Variants in ADGRL3 observed in about 807,000 individuals in gnomAD.
ADGRL3 encodes the protein adhesion G protein-coupled receptor L3, also known as calcium-independent alpha-latrotoxin receptor 3.
A neutral mutation model predicts 153.5 loss-of-function variants in ADGRL3; 62 were observed. The ratio of observed to expected loss-of-function variants is 0.40; its 90% CI spans 0.33 to 0.50. The LOEUF (loss-of-function observed/expected upper bound fraction) is 0.50. Ranked by LOEUF, ADGRL3 falls within the 20% of genes least tolerant of loss-of-function variation. The pLI, the probability that ADGRL3 is intolerant of heterozygous loss-of-function variation, is 0.47. For synonymous variants in ADGRL3, 710 were observed against 672.5 expected (o/e 1.06, Z -0.86); for missense variants, 1,641 against 1,859.4 (o/e 0.88, Z 2.16).
At chr4:61,627,493 T>C (rs1020487694) in intron 5 of ADGRL3, among the ~76,000 whole-genome samples, 9 of 151,882 alleles carry the variant, frequency 5.9e-5, no homozygotes, top group Admixed American at 2.0e-4. Flanking sequence ...TGGTGGCGGG[T>C]GCCTGTGATC....
chr4:61,551,492 A>G (rs2098740258), intron 4 of ADGRL3, among the ~76,000 whole-genome samples: 1 of 152,160 alleles, frequency 6.6e-6, no homozygotes, highest in African/African-American at 2.4e-5. Flanking sequence ...AAGAACTGTG[A>G]TAATTGAAGA....
At chr4:62,037,676 TG>T in intron 23 of ADGRL3, 54 bp from the exon 24 acceptor site, 1 of 1,596,116 alleles carries the variant, frequency 6.3e-7, no homozygotes. Flanking sequence ...TGTCTACTTT[TG>T]TTCCTACCTG....
chr4:61,453,843 A>C (rs935795739), intron 2 of ADGRL3, among the ~76,000 whole-genome samples: 1 of 152,104 alleles, frequency 6.6e-6, no homozygotes, highest in South Asian at 2.1e-4. Context: ...TAGCTTCTTT[A>C]ATTAATTTTA....
Position 61,792,266 on chromosome 4 carries a change from A to G in ADGRL3, c.1400-21543A>G, listed in dbSNP as rs183766745. Among the ~76,000 whole-genome samples the G allele has an allele frequency of 5.9e-5, 9 of 152,116 alleles. No individual in the cohort carries two copies. The East Asian group carries it at 1.8e-3, about 30-fold the overall frequency. On this transcript the variant is annotated intron_variant, in intron 8 of 26. Coordinates refer to ENST00000683033, the MANE Select transcript of ADGRL3 (RefSeq NM_001387552.1). ...CCCTAAATCATCTCTTTCAAGTTCA[A>G]CGTTTCACACATCTCTAGGGCAGGG...
At chr4:61,648,243 C>T in intron 5 of ADGRL3, among the ~76,000 whole-genome samples, 1 of 151,498 alleles carries the variant, frequency 6.6e-6, no homozygotes, top group Non-Finnish European at 1.5e-5. Flanking sequence ...GATCTTATAC[C>T]ACCTTAAAAA....
Position 61,804,967 on chromosome 4 carries a change from T to A in ADGRL3, c.1400-8842T>A, listed in dbSNP as rs972814231. Among the ~76,000 whole-genome samples, 141 of 150,874 alleles carry A rather than the reference T, an allele frequency of 9.3e-4. 1 individual carries two copies. The highest frequency in any genetic ancestry group is 2.5e-3 in the African/African-American group (101 of 41,184). Reference sequence around the variant, plus strand: ...TTTATTTATTTTTATTTATTTATTTTTTTTTTGAGACGGAGTCTCATTCTG... The same window carrying A: ...TTTATTTATTTTTATTTATTTATTTATTTTTTGAGACGGAGTCTCATTCTG... On this transcript the variant is annotated intron_variant, in intron 8 of 26. Transcript: ENST00000683033.
At chr4:61,555,937 G>A (rs1438273741) in intron 4 of ADGRL3, among the ~76,000 whole-genome samples, 3 of 152,014 alleles carry the variant, frequency 2.0e-5, no homozygotes, top group South Asian at 2.1e-4. Context: ...GGATTTAGCC[G>A]GCTTCTTTAC....
chr4:61,645,631 T>C (rs1419594714), intron 5 of ADGRL3, among the ~76,000 whole-genome samples: 3 of 152,250 alleles, frequency 2.0e-5, no homozygotes, highest in African/African-American at 7.2e-5. Context: ...TCTTCTGGCT[T>C]GTAGAGTTTC....
chr4:61,470,393 C>A (rs1042077318), intron 2 of ADGRL3, among the ~76,000 whole-genome samples: 1 of 151,794 alleles, frequency 6.6e-6, no homozygotes, highest in Admixed American at 6.6e-5. Context: ...ATTGGTTTTC[C>A]TACCAGTAAC....
rs149450542 is a variant in ADGRL3 at position 61,966,125 on chromosome 4, A to G, written c.2806-13438A>G. On this transcript the variant is annotated intron_variant, in intron 17 of 26. Transcript: ENST00000683033. Reference sequence around the variant, plus strand: ...TTCTGAAATTGCTATAGCTAAGAAAATCAAATGAAAATGAAATAAAAATGA... The same window carrying G: ...TTCTGAAATTGCTATAGCTAAGAAAGTCAAATGAAAATGAAATAAAAATGA... 3.3e-4 allele frequency among the ~76,000 whole-genome samples: 51 copies of G among 152,310 alleles called. No individual in the cohort carries two copies. In the East Asian group the frequency reaches 9.4e-3, roughly 28 times the overall value.
At chr4:61,332,483 C>T (rs1505679) in intron 1 of ADGRL3, among the ~76,000 whole-genome samples, 122,178 of 152,028 alleles carry the variant, frequency 0.8, 49,335 homozygotes, top group East Asian at 0.98. Context: ...AGGCTTATAA[C>T]GCCTGAGGAT....
chr4:61,414,940 T>C (rs1196642020), intron 2 of ADGRL3, among the ~76,000 whole-genome samples: 1 of 152,024 alleles, frequency 6.6e-6, no homozygotes, highest in Non-Finnish European at 1.5e-5. Context: ...TAATATTATC[T>C]ATTTACTCTG....
At chr4:61,802,884 T>C (rs1170946347) in intron 8 of ADGRL3, among the ~76,000 whole-genome samples, 1 of 152,096 alleles carries the variant, frequency 6.6e-6, no homozygotes, top group Non-Finnish European at 1.5e-5. Context: ...TTCCCCAAAA[T>C]ATGATTTTTA....
rs765997766 is a variant in ADGRL3 at position 61,847,717 on chromosome 4, T to C, written c.1480+33828T>C. 8.3e-3 allele frequency among the ~76,000 whole-genome samples: 264 copies of C among 31,812 alleles called. 3 individuals are homozygous for C. The highest frequency in any genetic ancestry group is 0.013 in the South Asian group (18 of 1,386). 20.9% of individuals were successfully genotyped at this position (31,812 alleles called of 152,430 possible). On this transcript the variant is annotated intron_variant, in intron 9 of 26. Transcript: ENST00000683033. ...TATAAAATATATTATATATATAATA[T>C]AAAATATATTATATATATAATACAA...
intron 5 of ADGRL3, among the ~76,000 whole-genome samples, chr4:61,669,939 G>T (rs992925378): frequency 6.6e-6 from 1 of 152,174 alleles, no homozygotes. Context: ...TGATCGAAGG[G>T]TTTATTAACC....
chr4:61,387,712 A>G (rs1239780876), intron 2 of ADGRL3, among the ~76,000 whole-genome samples: 2 of 152,050 alleles, frequency 1.3e-5, no homozygotes, highest in Admixed American at 6.6e-5. Context: ...TTCTTTTTTC[A>G]AAGTGCCCAG....
chr4:61,677,847 G>A (rs1045810087), intron 6 of ADGRL3, among the ~76,000 whole-genome samples: 1 of 151,936 alleles, frequency 6.6e-6, no homozygotes, highest in Non-Finnish European at 1.5e-5. Flanking sequence ...TATTAAAGAA[G>A]CAGGACATTA....
intron 21 of ADGRL3, among the ~76,000 whole-genome samples, chr4:62,018,634 G>A (rs907179948): frequency 2.0e-5 from 3 of 152,112 alleles, no homozygotes; most frequent in South Asian, 2.1e-4. Context: ...TCTTGAGTGC[G>A]AAGGTGGCAG....
chr4:61,601,913 T>C (rs1579790162), intron 5 of ADGRL3, among the ~76,000 whole-genome samples: 2 of 152,314 alleles, frequency 1.3e-5, no homozygotes, highest in African/African-American at 4.8e-5. Context: ...GTGATTTATG[T>C]TTTCTAAAAC....
Sources: allele counts gnomAD v4.1 joint callset (sites outside exome capture counted in the v4.1 genomes callset), GRCh38; gene constraint gnomAD v4.1.1; transcripts MANE v1.5; gene names NCBI Gene and HGNC (gene_info 2026-07-23, HGNC 2026-07-21).